Variants in TRDN observed in about 807,000 individuals in gnomAD.
The protein encoded by TRDN is triadin in skeletal muscle.
Under a neutral mutation model 149.7 loss-of-function variants are expected in TRDN, and 161 were observed. The ratio of observed to expected loss-of-function variants is 1.08; its 90% CI spans 0.95 to 1.23. The LOEUF (loss-of-function observed/expected upper bound fraction) is 1.23. TRDN is among the 50% of genes most tolerant of loss of function. The probability of loss-of-function intolerance (pLI) is 0.00; values close to 1 mark genes in which losing one functional copy is unlikely to be tolerated. For synonymous variants in TRDN, 294 were observed against 250.5 expected (o/e 1.17, Z -1.64); for missense variants, 896 against 823.5 (o/e 1.09, Z -1.08).
intron 38 of TRDN, among the ~76,000 whole-genome samples, chr6:123,236,779 A>G (rs552031903): frequency 1.2e-4 from 18 of 152,258 alleles, no homozygotes; most frequent in South Asian, 1.0e-3. Flanking sequence ...TGGATTTTTA[A>G]CACTACATTG....
chr6:123,263,093 G>A (rs959325197), intron 33 of TRDN, among the ~76,000 whole-genome samples: 7 of 152,040 alleles, frequency 4.6e-5, no homozygotes, highest in African/African-American at 1.2e-4. Context: ...TAGGCCTCAC[G>A]TACCAAAGAG....
chr6:123,361,608 C>A (rs1393280988), intron 20 of TRDN, among the ~76,000 whole-genome samples: 1 of 152,090 alleles, frequency 6.6e-6, no homozygotes, highest in Non-Finnish European at 1.5e-5. Context: ...CTATCTTCAT[C>A]ATCATTTCTC....
chr6:123,584,908 G>T (rs1333372069), intron 1 of TRDN, among the ~76,000 whole-genome samples: 3 of 152,156 alleles, frequency 2.0e-5, no homozygotes, highest in Non-Finnish European at 2.9e-5. Flanking sequence ...AACTTGTAAG[G>T]CTTGTCTGGT....
chr6:123,438,964 G>A lies in TRDN; in HGVS notation c.971C>T (p.Thr324Ile). 1 of 1,561,346 alleles carries A rather than the reference G, an allele frequency of 6.4e-7. No homozygotes were observed. Among genetic ancestry groups the A allele is most frequent in the South Asian group, 1.2e-5 (1 of 84,372 alleles). ...GEKKKAEKKVTSETKKKEKED... is the reference protein window; with the variant it reads ...GEKKKAEKKVISETKKKEKED... Reference sequence around the variant, plus strand: ...CCTACCTTTCTTTTTTGTTTCAGAAGTAACTTTCTTCTCAGCCTTCTTCTT... The same window carrying A: ...CCTACCTTTCTTTTTTGTTTCAGAAATAACTTTCTTCTCAGCCTTCTTCTT... Residue 324 changes from threonine to isoleucine, a missense_variant, in exon 11 of 41, where the codon ACT becomes ATT. Transcript: ENST00000334268.
At position 123,381,403 on chromosome 6, in the gene TRDN, C is replaced by G. The variant is rs1781715008; in HGVS notation, c.1166-13G>C. On this transcript the variant is annotated splice_polypyrimidine_tract_variant and intron_variant, in intron 15 of 40. Transcript: ENST00000334268. ...TTGGGTTGTTCTACTGAAAGAAATA[C>G]AAACAAAATCATTGCTCTTAAAACT... 5 of 1,553,910 alleles carry G rather than the reference C, an allele frequency of 3.2e-6. No individual in the cohort carries two copies. Among genetic ancestry groups the G allele is most frequent in the Non-Finnish European group, 4.4e-6 (5 of 1,147,238 alleles).
intron 38 of TRDN, among the ~76,000 whole-genome samples, chr6:123,240,222 A>T (rs1218212269): frequency 2.0e-5 from 3 of 151,954 alleles, no homozygotes; most frequent in Non-Finnish European, 4.4e-5. Flanking sequence ...CTTTGTATGT[A>T]TCAGAAACTA....
chr6:123,374,335 T>C (rs1433170168), intron 19 of TRDN, among the ~76,000 whole-genome samples: 1 of 152,130 alleles, frequency 6.6e-6, no homozygotes, highest in East Asian at 1.9e-4. Flanking sequence ...TTCAGAGCAA[T>C]CTTCAATCTA....
intron 1 of TRDN, among the ~76,000 whole-genome samples, chr6:123,628,063 T>C (rs115761285): frequency 1.1e-3 from 168 of 152,332 alleles, no homozygotes; most frequent in African/African-American, 3.8e-3. Flanking sequence ...CACTTTCTTA[T>C]CATTCATGTG....
At chr6:123,506,159 T>G (rs1345721594) in intron 7 of TRDN, among the ~76,000 whole-genome samples, 1 of 152,162 alleles carries the variant, frequency 6.6e-6, no homozygotes, top group Non-Finnish European at 1.5e-5. Flanking sequence ...CTCAATCTCA[T>G]GCAACTCATT....
chr6:123,388,538 C>T lies in TRDN; in HGVS notation c.1119G>A (p.Lys373=). 6.3e-7 allele frequency: 1 copy of T among 1,586,686 alleles called. No individual in the cohort carries two copies. ...AAAACATACCTTCCTTCTTTTCATC[C>T]TTCTTAGCTGCTGCTGAAGTAATGA... ...VKIAAQAAAK[K]DEKKEDSKKT... Residue 373 remains lysine, a synonymous_variant, in exon 14 of 41, where the codon AAG becomes AAA. Transcript: ENST00000334268.
intron 24 of TRDN, among the ~76,000 whole-genome samples, chr6:123,288,873 C>T (rs1044534848): frequency 6.6e-6 from 1 of 151,754 alleles, no homozygotes; most frequent in African/African-American, 2.4e-5. Context: ...TAGTTTACAG[C>T]AATTTCACGT....
chr6:123,397,598 G>A (rs868636163), intron 12 of TRDN, among the ~76,000 whole-genome samples: 12 of 152,172 alleles, frequency 7.9e-5, no homozygotes, highest in Middle Eastern at 3.4e-3. Flanking sequence ...ATTAAGCTCA[G>A]GGATCTATTT....
intron 12 of TRDN, among the ~76,000 whole-genome samples, chr6:123,411,049 CTTTT>C (rs34482163): frequency 6.3e-5 from 8 of 126,380 alleles, no homozygotes; most frequent in Non-Finnish European, 1.0e-4. Flanking sequence ...AACTTTCTTT[CTTTT>C]TTTTTTTTTT....
At chr6:123,545,203 T>G (rs556589466) in intron 4 of TRDN, among the ~76,000 whole-genome samples, 1 of 151,936 alleles carries the variant, frequency 6.6e-6, no homozygotes, top group Admixed American at 6.6e-5. Context: ...ATCAAATGTT[T>G]TAAAAGACTA....
At chr6:123,304,252 CTTTTTT>C (rs71649806) in intron 24 of TRDN, among the ~76,000 whole-genome samples, 5 of 128,956 alleles carry the variant, frequency 3.9e-5, no homozygotes, top group East Asian at 4.6e-4. Flanking sequence ...CTTTTATTTT[CTTTTTT>C]TTTTTTTTTT....
chr6:123,240,474 A>T (rs918784856), intron 38 of TRDN, among the ~76,000 whole-genome samples: 1 of 151,888 alleles, frequency 6.6e-6, no homozygotes, highest in Admixed American at 6.6e-5. Context: ...CAACGTAAAA[A>T]AAAAGCCATA....
intron 12 of TRDN, among the ~76,000 whole-genome samples, chr6:123,424,132 T>C (rs1038571126): frequency 3.9e-5 from 6 of 152,078 alleles, no homozygotes; most frequent in Non-Finnish European, 7.4e-5. Context: ...AGACTATGAG[T>C]TTTTAATCAT....
chr6:123,254,482 C>T lies in TRDN; in HGVS notation c.1951+599G>A, dbSNP rs142539425. ...TTATGATATGTTTACCTAGCACCTT[C>T]GAATTTAAAGCACTTTTTTAAAGTA... On this transcript the variant is annotated intron_variant, in intron 37 of 40. Transcript: ENST00000334268. Among the ~76,000 whole-genome samples, 451 of 151,972 alleles carry T rather than the reference C, an allele frequency of 3.0e-3. 3 individuals are homozygous for T. The highest frequency in any genetic ancestry group is 0.01 in the African/African-American group (416 of 41,514).
At chr6:123,303,623 G>T (rs771792330) in intron 24 of TRDN, among the ~76,000 whole-genome samples, 5 of 152,168 alleles carry the variant, frequency 3.3e-5, no homozygotes, top group Admixed American at 2.6e-4. Flanking sequence ...GAAAGGGGAA[G>T]ATTCAAAAGA....
Sources: allele counts gnomAD v4.1 joint callset (sites outside exome capture counted in the v4.1 genomes callset), GRCh38; gene constraint gnomAD v4.1.1; transcripts MANE v1.5; gene names NCBI Gene and HGNC (gene_info 2026-07-23, HGNC 2026-07-21).